The following DYNC2H1 variants were observed in gnomAD, a reference collection of about 807,000 sequenced individuals.
DYNC2H1 encodes dynein cytoplasmic 2 heavy chain 1, also known as cytoplasmic dynein 2 heavy chain 1.
Under a neutral mutation model 570.0 loss-of-function variants are expected in DYNC2H1, and 410 were observed. That is an observed-to-expected ratio of 0.72 (90% CI 0.66 to 0.78). The LOEUF (loss-of-function observed/expected upper bound fraction) is 0.78, where lower values mean the gene tolerates loss of function less well. Among genes scored for constraint, DYNC2H1 ranks in the 30% least tolerant of loss-of-function variants. The probability of loss-of-function intolerance (pLI) is 0.00; values close to 1 mark genes in which losing one functional copy is unlikely to be tolerated. For missense variants in DYNC2H1, 4,865 were observed against 5,046.4 expected (o/e 0.96, Z 1.09); for synonymous variants, 1,688 against 1,677.6 (o/e 1.01, Z -0.15).
At position 103,128,952 on chromosome 11, in the gene DYNC2H1, A is replaced by T. The variant is rs770687694; in HGVS notation, c.1900A>T (p.Ser634Cys). The change falls in exon 13 of 89, where the codon AGT becomes TGT. Residue 634 changes from serine to cysteine, a missense_variant. Around this residue, in one of 5 missense-constraint regions of DYNC2H1, gnomAD observed 1,936 missense variants for 1,962.1 expected, o/e 0.99. Coordinates refer to ENST00000375735, the MANE Select transcript of DYNC2H1 (RefSeq NM_001377.3). Reference sequence around the variant, plus strand: ...TTCTATTGATCAACAAATGATTCAAAGTCAGAGGCCAATGATGTTACAATC... The same window carrying T: ...TTCTATTGATCAACAAATGATTCAATGTCAGAGGCCAATGATGTTACAATC... ...YNSIDQQMIQ[S>C]QRPMMLQSAL... The T allele has an allele frequency of 5.0e-6, 8 of 1,602,704 alleles. No homozygotes were observed. In the South Asian group the frequency reaches 9.2e-5, roughly 19 times the overall value.
intron 88 of DYNC2H1, among the ~76,000 whole-genome samples, chr11:103,474,474 G>T (rs544008806): frequency 6.6e-6 from 1 of 152,228 alleles, no homozygotes; most frequent in Non-Finnish European, 1.5e-5. Flanking sequence ...TGGCCAAATA[G>T]CTAATATGAG....
intron 88 of DYNC2H1, 46 bp from the exon 89 acceptor site, chr11:103,479,049 C>T (rs777967275): frequency 4.4e-6 from 7 of 1,588,856 alleles, no homozygotes; most frequent in Admixed American, 1.7e-5. Flanking sequence ...AATCTGTTTC[C>T]AAATAGTGTA....
chr11:103,199,223 A>T lies in DYNC2H1; in HGVS notation c.7840-5A>T, dbSNP rs1349646305. On this transcript the variant is annotated splice_region_variant and splice_polypyrimidine_tract_variant and intron_variant, in intron 48 of 88. Coordinates refer to ENST00000375735, the MANE Select transcript of DYNC2H1 (RefSeq NM_001377.3). The surrounding 1 kb of genome is among the most constrained non-coding windows in gnomAD (Gnocchi z 4.6). ...AATTATAAAATATTCTGATTTTTTT[A>T]AAAGGGTCTTATTCATTATGGACGA... 2 of 1,503,846 alleles carry T rather than the reference A, an allele frequency of 1.3e-6. No individual in the cohort carries two copies. Among genetic ancestry groups the T allele is most frequent in the Non-Finnish European group, 1.8e-6 (2 of 1,114,842 alleles). The allele number at this position is 1,503,846 out of a possible 1,614,324, so 93.2% of individuals were successfully genotyped here. A position where few individuals can be genotyped will look rare whatever the true frequency, so the allele number is the denominator to read the frequency against.
intron 63 of DYNC2H1, among the ~76,000 whole-genome samples, chr11:103,242,878 G>A (rs1429588210): frequency 1.3e-5 from 2 of 151,886 alleles, no homozygotes; most frequent in African/African-American, 2.4e-5. Flanking sequence ...CCGCCACCAC[G>A]CCTGGCTAAT....
At chr11:103,426,456 G>A (rs570965753) in intron 84 of DYNC2H1, among the ~76,000 whole-genome samples, 1 of 152,178 alleles carries the variant, frequency 6.6e-6, no homozygotes, top group Non-Finnish European at 1.5e-5. Context: ...GTGGGGGTAG[G>A]ACTGATGGAT....
At chr11:103,477,702 G>A (rs1226621795) in intron 88 of DYNC2H1, among the ~76,000 whole-genome samples, 4 of 151,660 alleles carry the variant, frequency 2.6e-5, no homozygotes, top group African/African-American at 4.8e-5. Flanking sequence ...GTGGTGGCAG[G>A]TGCCTGTAGT....
intron 26 of DYNC2H1, 77 bp from the exon 27 acceptor site, chr11:103,158,600 A>G (rs1365717117): frequency 3.3e-6 from 4 of 1,229,882 alleles, no homozygotes; most frequent in Non-Finnish European, 3.4e-6. Context: ...TAAGCAGGTA[A>G]AAAAAGTCTT....
At chr11:103,115,659 G>T (rs1042918065) in intron 4 of DYNC2H1, among the ~76,000 whole-genome samples, 2 of 152,062 alleles carry the variant, frequency 1.3e-5, no homozygotes, top group African/African-American at 4.8e-5. Flanking sequence ...TTAGCTGGGC[G>T]TGGTGGTGAG....
intron 84 of DYNC2H1, among the ~76,000 whole-genome samples, chr11:103,400,376 G>A (rs567584115): frequency 1.3e-5 from 2 of 152,164 alleles, no homozygotes; most frequent in South Asian, 4.2e-4. Context: ...AGCTGGGGAT[G>A]GATTTATCTT....
intron 83 of DYNC2H1, among the ~76,000 whole-genome samples, chr11:103,388,963 C>A (rs7933637): frequency 0.49 from 74,302 of 151,952 alleles, 18,476 homozygotes; most frequent in Non-Finnish European, 0.55. Flanking sequence ...CTAAAATTCC[C>A]TTTTTTTGTT....
intron 82 of DYNC2H1, among the ~76,000 whole-genome samples, chr11:103,330,471 C>T (rs540445687): frequency 5.4e-4 from 81 of 149,792 alleles, no homozygotes; most frequent in African/African-American, 1.6e-3. Context: ...AAATTAAAAA[C>T]GTAATTGTAG....
At chr11:103,169,735 GATATC>G (rs1565362218) in intron 32 of DYNC2H1, among the ~76,000 whole-genome samples, 1 of 151,966 alleles carries the variant, frequency 6.6e-6, no homozygotes, top group Admixed American at 6.6e-5. Flanking sequence ...CTGATTTGTG[GATATC>G]ATAAGAGTCA....
In DYNC2H1 at chr11:103,142,618, T is replaced by A. The variant is rs111561394; in HGVS notation, c.2575-650T>A. ...AGGGAGATGGAGGTTTCAGTGAGCT[T>A]AGATCGCACCACTGTACTCCAGGCT... On this transcript the variant is annotated intron_variant, in intron 17 of 88. Transcript: ENST00000375735. 7.0e-3 allele frequency among the ~76,000 whole-genome samples: 1,070 copies of A among 152,156 alleles called. 9 individuals carry two copies. The highest frequency in any genetic ancestry group is 0.024 in the African/African-American group (1,009 of 41,506).
At chr11:103,424,886 C>T (rs1943613396) in intron 84 of DYNC2H1, among the ~76,000 whole-genome samples, 1 of 152,080 alleles carries the variant, frequency 6.6e-6, no homozygotes, top group Admixed American at 6.6e-5. Context: ...TGTCTTCTAT[C>T]CGGTATTTCT....
intron 87 of DYNC2H1, among the ~76,000 whole-genome samples, chr11:103,458,328 T>C (rs1944867696): frequency 6.6e-6 from 1 of 152,200 alleles, no homozygotes; most frequent in South Asian, 2.1e-4. Context: ...AGCCTAGGTA[T>C]GTAGTAGGCT....
intron 82 of DYNC2H1, among the ~76,000 whole-genome samples, chr11:103,340,668 A>G (rs1259299948): frequency 6.6e-6 from 1 of 152,134 alleles, no homozygotes. Flanking sequence ...TCATCTTAAT[A>G]CCTTGGTACC....
At chr11:103,412,104 CTG>C (rs1430424449) in intron 84 of DYNC2H1, among the ~76,000 whole-genome samples, 2 of 152,050 alleles carry the variant, frequency 1.3e-5, no homozygotes, top group African/African-American at 4.8e-5. Flanking sequence ...TTAACAAAAA[CTG>C]AGAATTCAGT....
intron 84 of DYNC2H1, among the ~76,000 whole-genome samples, chr11:103,415,550 C>T (rs537255101): frequency 1.8e-4 from 28 of 152,252 alleles, no homozygotes; most frequent in Admixed American, 4.6e-4. Flanking sequence ...CATAAAAAAA[C>T]GCTCATCATC....
rs1865885496 is a variant in DYNC2H1, at chr11:103,275,799, A to G, written c.10696-4549A>G. Among the ~76,000 whole-genome samples the G allele has an allele frequency of 6.6e-6, 1 of 152,200 alleles. No homozygotes were observed. The highest frequency in any genetic ancestry group is 1.5e-5 in the Non-Finnish European group (1 of 68,034). On this transcript the variant is annotated intron_variant, in intron 70 of 88. Coordinates refer to ENST00000375735, the MANE Select transcript of DYNC2H1 (RefSeq NM_001377.3). The surrounding 1 kb of genome is among the most constrained non-coding windows in gnomAD (Gnocchi z 4.8). ...ATCTTGGTTGCTTCCAAGTTTTGACAGTTATGAATAAAGCAGCTGTAAACA... is the reference window on the plus strand; with the variant it reads ...ATCTTGGTTGCTTCCAAGTTTTGACGGTTATGAATAAAGCAGCTGTAAACA...
Sources: gnomAD v4.1 joint callset for allele counts (sites outside exome capture counted in the v4.1 genomes callset) on GRCh38, gnomAD v4.1.1 for gene constraint, gnomAD v4.1.1 regional missense constraint, Gnocchi (gnomAD v3.1) non-coding constraint, MANE v1.5 for transcripts, NCBI Gene and HGNC (gene_info 2026-07-23, HGNC 2026-07-21) for gene names.